The following LIG3 variants were observed in gnomAD, a reference collection of about 807,000 sequenced individuals.
The protein encoded by LIG3 is DNA ligase 3.
A neutral mutation model predicts 110.9 loss-of-function variants in LIG3; 58 were observed. The ratio of observed to expected loss-of-function variants is 0.52; its 90% CI spans 0.42 to 0.65. LIG3 has a LOEUF of 0.65. LIG3 is among the 30% of genes least tolerant of loss of function. LIG3 has a pLI of 0.00. For missense variants in LIG3, 1,094 were observed against 1,273.8 expected (o/e 0.86, Z 2.15); for synonymous variants, 422 against 472.8 (o/e 0.89, Z 1.39).
intron 3 of LIG3, among the ~76,000 whole-genome samples, chr17:34,988,372 G>T (rs1161131668): frequency 1.3e-5 from 2 of 152,014 alleles, no homozygotes; most frequent in Non-Finnish European, 2.9e-5. Flanking sequence ...CTTGCAACCT[G>T]GTTGAACATT....
chr17:34,996,054 C>T lies in LIG3; in HGVS notation c.1612-10C>T. ...GTCATCCCTCACCAAAGCTCCCCTT[C>T]TGCTTTCAGGTGGCCCACTTTAAGG... On this transcript the variant is annotated splice_polypyrimidine_tract_variant and intron_variant, in intron 9 of 19. Transcript: ENST00000378526. 1 of 1,610,612 alleles carries T rather than the reference C, an allele frequency of 6.2e-7. No individual in the cohort carries two copies. Among genetic ancestry groups the T allele is most frequent in the Non-Finnish European group, 8.5e-7 (1 of 1,177,836 alleles).
At position 34,997,752 on chromosome 17, in the gene LIG3, G is replaced by A. The variant is rs546806092; in HGVS notation, c.1838G>A (p.Arg613Gln). 3.1e-6 allele frequency: 5 copies of A among 1,613,800 alleles called. No individual in the cohort carries two copies. The highest frequency in any genetic ancestry group is 2.7e-5 in the African/African-American group (2 of 74,902). ...GTTCTCCTCAGACCTCTGTGTGAGCGGCGGAAGTTTCTTCATGACAACATG... is the reference window on the plus strand; with the variant it reads ...GTTCTCCTCAGACCTCTGTGTGAGCAGCGGAAGTTTCTTCATGACAACATG... ...VSLMDRPLCE[R>Q]RKFLHDNMVE... The change falls in exon 12 of 20, where the codon CGG becomes CAG. Residue 613 changes from arginine to glutamine, a missense_variant. By Grantham distance (43) the Arg-to-Gln change is conservative. Coordinates refer to ENST00000378526, the MANE Select transcript of LIG3 (RefSeq NM_013975.4).
chr17:35,001,348 C>T lies in LIG3; in HGVS notation c.2423C>T (p.Thr808Ile). The change falls in exon 17 of 20, where the codon ACC (threonine) becomes ATC (isoleucine). Residue 808 changes from threonine (T) to isoleucine (I), a missense_variant. Physicochemically the swap from Thr to Ile is moderately conservative, Grantham distance 89 (BLOSUM62 -1). Coordinates refer to ENST00000378526, the MANE Select transcript of LIG3 (RefSeq NM_013975.4). ...DGISIRFPRC[T>I]RIRDDKDWKS... ...ATCTCCATCCGATTCCCTCGCTGCA[C>T]CCGAATCCGAGATGATAAGGACTGG... The T allele has an allele frequency of 6.2e-7, 1 of 1,614,178 alleles. No homozygotes were observed. The highest frequency in any genetic ancestry group is 8.5e-7 in the Non-Finnish European group (1 of 1,180,028).
intron 16 of LIG3, among the ~76,000 whole-genome samples, chr17:35,000,088 C>T (rs922302804): frequency 1.3e-5 from 2 of 152,168 alleles, no homozygotes; most frequent in Non-Finnish European, 2.9e-5. Flanking sequence ...GAGTACCTAT[C>T]CCCTCAGCAC....
At chr17:34,993,083 C>T (rs2090742929) in intron 8 of LIG3, among the ~76,000 whole-genome samples, 1 of 152,132 alleles carries the variant, frequency 6.6e-6, no homozygotes, top group South Asian at 2.1e-4. Flanking sequence ...TGACCTACTG[C>T]AAAGTAGATC....
At position 35,005,417 on chromosome 17, in the gene LIG3, TCTTA is replaced by T. The variant is rs749178114; in HGVS notation, c.*915_*918del. 8 of 559,916 alleles carry T rather than the reference TCTTA, an allele frequency of 1.4e-5. No homozygotes were observed. Among genetic ancestry groups the T allele is most frequent in the Admixed American group, 7.6e-5 (4 of 52,392 alleles). The allele number at this position is 559,916 out of a possible 1,614,324, so 34.7% of individuals were successfully genotyped here. Reference sequence around the variant, plus strand: ...GACTGTGTATGCTCTGGTGGTGGTGTCTTACTTCCTCATGACTGGAGGAATAATT... The same window carrying T: ...GACTGTGTATGCTCTGGTGGTGGTGTCTTCCTCATGACTGGAGGAATAATT... On this transcript the variant is annotated 3_prime_UTR_variant, in exon 20 of 20. Transcript: ENST00000378526.
intron 19 of LIG3, chr17:35,003,235 C>G: frequency 1.5e-6 from 2 of 1,303,806 alleles, no homozygotes; most frequent in Non-Finnish European, 1.0e-6. Flanking sequence ...GACTCTCCTC[C>G]CACCTGAGGA....
At chr17:34,991,863 A>G (rs1374053700) in intron 6 of LIG3, 26 bp downstream of exon 6, 5 of 1,613,996 alleles carry the variant, frequency 3.1e-6, no homozygotes, top group Non-Finnish European at 4.2e-6. Flanking sequence ...CCGTCAAACC[A>G]TGCCCATAGA....
rs748791004 is a variant in LIG3 at position 35,004,479 on chromosome 17, G to C, written c.3003G>C (p.Arg1001=). 1 of 1,613,938 alleles carries C rather than the reference G, an allele frequency of 6.2e-7. No individual in the cohort carries two copies. The highest frequency in any genetic ancestry group is 1.3e-5 in the African/African-American group (1 of 74,922). The change falls in exon 20 of 20, where the codon CGG becomes CGC. Residue 1001 remains arginine (R), a synonymous_variant. Transcript: ENST00000378526. ...CAGAGTGGATTTGGGCATGTATCCGGAAACGGAGACTGGTAGCTCCCTGCT... is the reference window on the plus strand; with the variant it reads ...CAGAGTGGATTTGGGCATGTATCCGCAAACGGAGACTGGTAGCTCCCTGCT... ...VSPEWIWACI[R]KRRLVAPC
At chr17:34,989,344 A>G in intron 3 of LIG3, 122 bp from the exon 4 acceptor site, 1 of 882,190 alleles carries the variant, frequency 1.1e-6, no homozygotes, top group East Asian at 2.7e-5. Context: ...ATCTACCCCA[A>G]AAGTCTATTC....
chr17:34,999,245 G>A, intron 14 of LIG3, 62 bp from the exon 15 acceptor site: 1 of 1,556,636 alleles, frequency 6.4e-7, no homozygotes, highest in Non-Finnish European at 8.7e-7. Context: ...CCTGGCCCTG[G>A]GCTCTTGGGA....
Position 34,990,998 on chromosome 17 carries a change from C to T in LIG3, c.925C>T (p.Leu309=), listed in dbSNP as rs372676395. 4.2e-5 allele frequency: 67 copies of T among 1,614,024 alleles called. No individual in the cohort carries two copies. In the African/African-American group the frequency reaches 8.1e-4, roughly 20 times the overall value. The part of the protein sequence containing the change: ...FHGDVYLTVK[L]LLPGVIKTVY... ...CGGTGATGTGTACCTAACAGTGAAG[C>T]TGCTGCTGCCAGGAGTCATTAAGAC... The change falls in exon 5 of 20, where the codon CTG becomes TTG. Residue 309 remains leucine (L), a synonymous_variant. Coordinates refer to ENST00000378526, the MANE Select transcript of LIG3 (RefSeq NM_013975.4).
At chr17:34,981,955 T>C (rs906676605) in intron 1 of LIG3, among the ~76,000 whole-genome samples, 4 of 152,218 alleles carry the variant, frequency 2.6e-5, no homozygotes, top group Non-Finnish European at 5.9e-5. Context: ...AACAGGTTAA[T>C]TGCACATCGG....
At chr17:34,983,959 A>G (rs960406561) in intron 2 of LIG3, among the ~76,000 whole-genome samples, 2 of 152,254 alleles carry the variant, frequency 1.3e-5, no homozygotes, top group Non-Finnish European at 2.9e-5. Flanking sequence ...CTCTACATAC[A>G]TACACACGTG....
intron 16 of LIG3, 58 bp from the exon 17 acceptor site, chr17:35,001,199 C>G (rs1235618544): frequency 6.3e-7 from 1 of 1,579,176 alleles, no homozygotes; most frequent in African/African-American, 1.3e-5. Flanking sequence ...AGCCACCACG[C>G]CCGGCCACTG....
intron 18 of LIG3, 114 bp downstream of exon 18, chr17:35,002,218 CACTGCAGTGGACACAGACT>C: frequency 1.1e-6 from 1 of 920,802 alleles, no homozygotes; most frequent in Admixed American, 3.1e-5. Context: ...TATCTGTGTC[CACTGCAGTGGACACAGACT>C]ACATTCCTGG....
chr17:34,992,136 C>G, intron 7 of LIG3, 101 bp downstream of exon 7: 1 of 985,056 alleles, frequency 1.0e-6, no homozygotes, highest in South Asian at 1.3e-5. Context: ...ATTTGAATCC[C>G]CCTTCCACCT....
intron 19 of LIG3, chr17:35,003,195 A>C (rs2090863246): frequency 3.3e-6 from 5 of 1,494,348 alleles, no homozygotes; most frequent in Non-Finnish European, 4.5e-6. Flanking sequence ...TCCAGCAAGC[A>C]GCGAGTCGGG....
chr17:34,998,210 G>A lies in LIG3; in HGVS notation c.1912-9G>A, dbSNP rs1191304740. On this transcript the variant is annotated splice_polypyrimidine_tract_variant and intron_variant, in intron 12 of 19. Coordinates refer to ENST00000378526, the MANE Select transcript of LIG3 (RefSeq NM_013975.4). ...TCACACCAACTTCAGCATCTCTCTT[G>A]TCCCTCAGAAAGCTTTGGACTTGGC... 1 of 1,608,868 alleles carries A rather than the reference G, an allele frequency of 6.2e-7. No individual in the cohort carries two copies. The highest frequency in any genetic ancestry group is 1.3e-5 in the African/African-American group (1 of 74,748).
Sources: gnomAD v4.1 joint callset for allele counts (sites outside exome capture counted in the v4.1 genomes callset) on GRCh38, gnomAD v4.1.1 for gene constraint, MANE v1.5 for transcripts, NCBI Gene and HGNC (gene_info 2026-07-23, HGNC 2026-07-21) for gene names.